GHR: variants seen among roughly 807,000 people sequenced by gnomAD.
GHR encodes the protein growth hormone receptor, also known as GH receptor.
In GHR, 35 loss-of-function variants were observed where a neutral mutation model predicts 67.1. That is an observed-to-expected ratio of 0.52 (90% CI 0.40 to 0.69). GHR has a LOEUF of 0.69. GHR is among the 30% of genes least tolerant of loss of function. The pLI, the probability that GHR is intolerant of heterozygous loss-of-function variation, is 0.00. For missense variants in GHR, 792 were observed against 764.6 expected, an observed-to-expected ratio of 1.04 and a Z score of -0.42; for synonymous variants, 272 against 269.1, an observed-to-expected ratio of 1.01 and a Z score of -0.10.
At chr5:42,691,197 C>T (rs1038292978) in intron 4 of GHR, among the ~76,000 whole-genome samples, 1 of 152,196 alleles carries the variant, frequency 6.6e-6, no homozygotes, top group African/African-American at 2.4e-5. Flanking sequence ...AACGTTCAGA[C>T]ATATTCAGAA....
intron 1 of GHR, chr5:42,467,541 A>G: frequency 7.2e-7 from 1 of 1,393,060 alleles, no homozygotes; most frequent in Non-Finnish European, 1.0e-6. Flanking sequence ...TCTCACATTT[A>G]CTACGCCTAA....
At chr5:42,712,768 G>A (rs1247242420) in intron 7 of GHR, among the ~76,000 whole-genome samples, 4 of 151,864 alleles carry the variant, frequency 2.6e-5, no homozygotes, top group Admixed American at 2.6e-4. Flanking sequence ...GTTCCCCCAA[G>A]TCTCATACAA....
chr5:42,581,667 A>C (rs1052191885), intron 2 of GHR, among the ~76,000 whole-genome samples: 1 of 152,180 alleles, frequency 6.6e-6, no homozygotes, highest in African/African-American at 2.4e-5. Flanking sequence ...AATTGATGGC[A>C]GCAGCGGCCC....
At chr5:42,670,856 A>G (rs1166689352) in intron 3 of GHR, among the ~76,000 whole-genome samples, 1 of 114,680 alleles carries the variant, frequency 8.7e-6, no homozygotes, top group East Asian at 2.9e-4. Flanking sequence ...TTTAAAAAAA[A>G]GCAAAAATTA....
intron 1 of GHR, among the ~76,000 whole-genome samples, chr5:42,444,280 CA>C (rs887558841): frequency 5.3e-5 from 8 of 152,092 alleles, no homozygotes; most frequent in Non-Finnish European, 1.2e-4. Flanking sequence ...GTCCTGTACA[CA>C]TAGAAGGCAC....
At chr5:42,660,404 G>A (rs1028226058) in intron 3 of GHR, among the ~76,000 whole-genome samples, 1 of 152,188 alleles carries the variant, frequency 6.6e-6, no homozygotes, top group African/African-American at 2.4e-5. Flanking sequence ...GTACTCCTCT[G>A]AGACAAAACT....
At chr5:42,516,155 A>G (rs894881041) in intron 1 of GHR, among the ~76,000 whole-genome samples, 1 of 152,184 alleles carries the variant, frequency 6.6e-6, no homozygotes, top group African/African-American at 2.4e-5. Flanking sequence ...GGAAGAGACA[A>G]AAGTCTCAAA....
At chr5:42,472,955 A>G (rs925749709) in intron 1 of GHR, among the ~76,000 whole-genome samples, 3 of 152,204 alleles carry the variant, frequency 2.0e-5, no homozygotes, top group Non-Finnish European at 4.4e-5. Flanking sequence ...AAGTCAGTGT[A>G]TGCCTTAAGA....
intron 3 of GHR, among the ~76,000 whole-genome samples, chr5:42,634,988 C>CT (rs1258955923): frequency 2.0e-5 from 3 of 150,352 alleles, no homozygotes; most frequent in African/African-American, 7.4e-5. Flanking sequence ...AATGCACAGT[C>CT]TTTATTGGTT....
chr5:42,570,565 G>A (rs546588501), intron 2 of GHR, among the ~76,000 whole-genome samples: 1 of 151,664 alleles, frequency 6.6e-6, no homozygotes, highest in South Asian at 2.1e-4. Context: ...TCATTTTTTT[G>A]TTTTAGAGAT....
At chr5:42,717,527 T>C (rs1462214319) in intron 8 of GHR, among the ~76,000 whole-genome samples, 1 of 152,192 alleles carries the variant, frequency 6.6e-6, no homozygotes, top group Non-Finnish European at 1.5e-5. Flanking sequence ...AAAACCCTGG[T>C]TAATAAGATC....
intron 1 of GHR, among the ~76,000 whole-genome samples, chr5:42,534,203 T>C (rs1748122974): frequency 7.2e-6 from 1 of 138,140 alleles, no homozygotes; most frequent in Admixed American, 7.4e-5. Context: ...CATGTGTATA[T>C]ATGTATATAT....
chr5:42,696,005 T>C (rs2111712191), intron 5 of GHR, among the ~76,000 whole-genome samples: 1 of 152,348 alleles, frequency 6.6e-6, no homozygotes, highest in South Asian at 2.1e-4. Context: ...GAGAACTGTA[T>C]CAAGCAGTAA....
chr5:42,599,727 A>AAAC (rs975753390), intron 2 of GHR, among the ~76,000 whole-genome samples: 91 of 152,194 alleles, frequency 6.0e-4, no homozygotes, highest in Middle Eastern at 3.4e-3. Flanking sequence ...TTAACAACAA[A>AAAC]AACAACAACA....
chr5:42,668,186 T>G (rs1052458163), intron 3 of GHR, among the ~76,000 whole-genome samples: 3 of 152,198 alleles, frequency 2.0e-5, no homozygotes, highest in Non-Finnish European at 4.4e-5. Flanking sequence ...ATGCAAGATA[T>G]TTTTCTTTGT....
rs1221448675 is a variant in GHR at position 42,719,315 on chromosome 5, C to A, written c.1808C>A (p.Ser603Tyr). Residue 603 changes from serine to tyrosine, a missense_variant, in exon 10 of 10, where the codon TCC (serine) becomes TAC (tyrosine). By Grantham distance (144) the Ser-to-Tyr change is moderately radical. Coordinates refer to ENST00000230882, the MANE Select transcript of GHR (RefSeq NM_000163.5). ...TATACCTCCATTCATATAGTACAGT[C>A]CCCACAGGGCCTCATACTCAATGCG... is the stretch of plus-strand genomic sequence containing the variant. Reference protein sequence around the residue: ...PDYTSIHIVQSPQGLILNATA... With the variant: ...PDYTSIHIVQYPQGLILNATA... The A allele has an allele frequency of 2.5e-6, 4 of 1,614,028 alleles. No individual in the cohort carries two copies. The highest frequency in any genetic ancestry group is 1.7e-5 in the Admixed American group (1 of 60,004).
chr5:42,600,884 C>T (rs1580026505), intron 2 of GHR, among the ~76,000 whole-genome samples: 11 of 140,800 alleles, frequency 7.8e-5, no homozygotes, highest in Admixed American at 7.8e-4. Flanking sequence ...TGTTACCGTT[C>T]TGTGTCCAGA....
At position 42,608,428 on chromosome 5, in the gene GHR, CT is replaced by C. The variant is rs200023038; in HGVS notation, c.71-20601del. On this transcript the variant is annotated intron_variant, in intron 2 of 9. Coordinates refer to ENST00000230882, the MANE Select transcript of GHR (RefSeq NM_000163.5). ...AAATTTATTTAGTAACCCCTAACTACTTTTTTTTTAATGAAATAGCATAGAA... is the reference window on the plus strand; with the variant it reads ...AAATTTATTTAGTAACCCCTAACTACTTTTTTTTAATGAAATAGCATAGAA... Among the ~76,000 whole-genome samples the C allele has an allele frequency of 6.0e-4, 90 of 149,946 alleles. 1 individual carries two copies. The South Asian group carries it at 7.2e-3, about 12-fold the overall frequency.
chr5:42,695,274 T>C (rs937278678), intron 5 of GHR, among the ~76,000 whole-genome samples, 185 bp downstream of exon 5: 6 of 152,184 alleles, frequency 3.9e-5, no homozygotes, highest in South Asian at 2.1e-4. Context: ...GGAACTTAAG[T>C]TGACTTTAAC....
Sources: gnomAD v4.1 joint callset for allele counts (sites outside exome capture counted in the v4.1 genomes callset) on GRCh38, gnomAD v4.1.1 for gene constraint, MANE v1.5 for transcripts, NCBI Gene and HGNC (gene_info 2026-07-23, HGNC 2026-07-21) for gene names.